The following PABPC4L variants were observed in gnomAD, a reference collection of about 807,000 sequenced individuals.
PABPC4L encodes the protein polyadenylate-binding protein 4-like.
For missense variants in PABPC4L, 452 were observed against 451.4 expected (o/e 1.00, Z -0.01); for synonymous variants, 169 against 164.1 (o/e 1.03, Z -0.23).
At chr4:134,183,365 C>T in the PABPC4L span, among the ~76,000 whole-genome samples, 97 of 151,720 alleles carry the variant, frequency 6.4e-4, no homozygotes, top group Middle Eastern at 0.01. Flanking sequence ...AACAGAAAAC[C>T]GGATATCGTA....
chr4:134,061,942 T>A, the PABPC4L span, among the ~76,000 whole-genome samples: 1 of 152,000 alleles, frequency 6.6e-6, no homozygotes. Context: ...TTATATTGAA[T>A]ACCAACCCTC....
At chr4:134,068,157 G>A in the PABPC4L span, among the ~76,000 whole-genome samples, 11 of 152,130 alleles carry the variant, frequency 7.2e-5, no homozygotes, top group Non-Finnish European at 1.5e-4. Flanking sequence ...GGAATCTAAA[G>A]TCTCTTTGTA....
chr4:134,071,191 G>C, the PABPC4L span, among the ~76,000 whole-genome samples: 5 of 152,142 alleles, frequency 3.3e-5, no homozygotes, highest in Non-Finnish European at 1.5e-5. Context: ...AGGAGTCAGT[G>C]GGAGTCAGGA....
At chr4:134,031,697 G>A in the PABPC4L span, among the ~76,000 whole-genome samples, 1 of 151,932 alleles carries the variant, frequency 6.6e-6, no homozygotes, top group Non-Finnish European at 1.5e-5. Context: ...AGGCTGGAGA[G>A]TCTAGACTCT....
chr4:134,086,720 CT>C, the PABPC4L span, among the ~76,000 whole-genome samples: 1,486 of 115,550 alleles, frequency 0.013, 17 homozygotes, highest in African/African-American at 0.033. Context: ...GCTTGAAAGT[CT>C]TTTTTTTTTT....
chr4:134,068,354 C>G, the PABPC4L span, among the ~76,000 whole-genome samples: 2 of 151,936 alleles, frequency 1.3e-5, no homozygotes, highest in African/African-American at 4.8e-5. Flanking sequence ...CCCGCTTTTT[C>G]TTTTCTCCAT....
the PABPC4L span, among the ~76,000 whole-genome samples, chr4:133,994,224 T>C: frequency 6.6e-6 from 1 of 152,116 alleles, no homozygotes; most frequent in African/African-American, 2.4e-5. Flanking sequence ...TGGTTCTATA[T>C]GGCTGGCTTT....
At chr4:134,097,478 C>G in the PABPC4L span, among the ~76,000 whole-genome samples, 1 of 151,506 alleles carries the variant, frequency 6.6e-6, no homozygotes, top group Non-Finnish European at 1.5e-5. Flanking sequence ...AAGAGAGAAA[C>G]AGAGAGAGAG....
At chr4:134,049,078 T>C in the PABPC4L span, among the ~76,000 whole-genome samples, 1 of 151,998 alleles carries the variant, frequency 6.6e-6, no homozygotes, top group Admixed American at 6.6e-5. Context: ...CATGAAGAAA[T>C]TATAATAATT....
At chr4:134,153,777 G>A in the PABPC4L span, among the ~76,000 whole-genome samples, 11 of 148,508 alleles carry the variant, frequency 7.4e-5, no homozygotes, top group African/African-American at 2.2e-4. Flanking sequence ...CTCCAGAGTA[G>A]CTGGGACTAC....
chr4:134,069,123 A>T, the PABPC4L span, among the ~76,000 whole-genome samples: 1 of 152,056 alleles, frequency 6.6e-6, no homozygotes, highest in East Asian at 1.9e-4. Context: ...CTTGGTTGGA[A>T]TTTCTTTTCT....
chr4:134,168,370 G>C, the PABPC4L span, among the ~76,000 whole-genome samples: 1 of 151,736 alleles, frequency 6.6e-6, no homozygotes, highest in Admixed American at 6.6e-5. Context: ...AAGTAGAACA[G>C]CAAGAGCAAA....
chr4:134,021,651 G>T, the PABPC4L span, among the ~76,000 whole-genome samples: 1 of 152,240 alleles, frequency 6.6e-6, no homozygotes, highest in African/African-American at 2.4e-5. Context: ...AGCTATTATA[G>T]TATCAGCTAT....
chr4:134,009,861 G>A, the PABPC4L span, among the ~76,000 whole-genome samples: 1 of 152,012 alleles, frequency 6.6e-6, no homozygotes, highest in Non-Finnish European at 1.5e-5. Context: ...ATGTCAAAGA[G>A]GACAGTTCTA....
the PABPC4L span, among the ~76,000 whole-genome samples, chr4:134,165,299 T>C: frequency 2.6e-5 from 4 of 151,990 alleles, no homozygotes; most frequent in Non-Finnish European, 1.5e-5. Context: ...CTCATTAAAT[T>C]AAAAAGCTTC....
the PABPC4L span, among the ~76,000 whole-genome samples, chr4:134,191,254 T>C: frequency 0.091 from 13,864 of 152,170 alleles, 699 homozygotes; most frequent in South Asian, 0.13. Context: ...TCTTAACTGA[T>C]ATTTTGCTTG....
At chr4:134,069,977 T>C in the PABPC4L span, among the ~76,000 whole-genome samples, 1 of 142,292 alleles carries the variant, frequency 7.0e-6, no homozygotes, top group Non-Finnish European at 1.5e-5. Flanking sequence ...GAAGTTGCTG[T>C]CCTTTGGAGG....
chr4:133,996,880 A>T, the PABPC4L span, among the ~76,000 whole-genome samples: 1 of 152,202 alleles, frequency 6.6e-6, no homozygotes, highest in Non-Finnish European at 1.5e-5. Flanking sequence ...ACCCCCTAGT[A>T]GAGAGCAGTC....
the PABPC4L span, among the ~76,000 whole-genome samples, chr4:134,177,879 C>T: frequency 6.6e-6 from 1 of 152,014 alleles, no homozygotes; most frequent in East Asian, 1.9e-4. Flanking sequence ...TGACCCCACC[C>T]TCCCCCACCA....
Sources: allele counts gnomAD v4.1 joint callset (sites outside exome capture counted in the v4.1 genomes callset), GRCh38; gene constraint gnomAD v4.1.1; transcripts MANE v1.5; gene names NCBI Gene and HGNC (gene_info 2026-07-23, HGNC 2026-07-21).